The following MAF variants were observed in gnomAD, a reference collection of about 807,000 sequenced individuals.
MAF encodes the protein transcription factor Maf.
A neutral mutation model predicts 22.0 loss-of-function variants in MAF; 10 were observed. The observed-to-expected ratio is 0.45, with a 90% CI of 0.28 to 0.77. The LOEUF is 0.77. Among genes scored for constraint, MAF ranks in the 30% least tolerant of loss-of-function variants. The probability of loss-of-function intolerance (pLI) is 0.12; values close to 1 mark genes in which losing one functional copy is unlikely to be tolerated. For synonymous variants in MAF, 337 were observed against 255.8 expected, an observed-to-expected ratio of 1.32 and a Z score of -3.03; for missense variants, 544 against 548.4, an observed-to-expected ratio of 0.99 and a Z score of 0.08.
At chr16:79,320,102 G>A in the MAF span, among the ~76,000 whole-genome samples, 1 of 152,146 alleles carries the variant, frequency 6.6e-6, no homozygotes, top group Non-Finnish European at 1.5e-5. Flanking sequence ...AGGAAGGGTG[G>A]TACAAAGTGG....
chr16:79,443,616 T>C, the MAF span, among the ~76,000 whole-genome samples: 1 of 152,166 alleles, frequency 6.6e-6, no homozygotes, highest in East Asian at 1.9e-4. Flanking sequence ...TAGGAACAAA[T>C]CCTAACAAAA....
chr16:79,486,117 C>T, the MAF span, among the ~76,000 whole-genome samples: 1 of 152,184 alleles, frequency 6.6e-6, no homozygotes, highest in Non-Finnish European at 1.5e-5. Context: ...ATAACTATCG[C>T]TTCCATGCTC....
chr16:79,408,089 A>AAAAAAAC, the MAF span, among the ~76,000 whole-genome samples: 1 of 149,226 alleles, frequency 6.7e-6, no homozygotes, highest in African/African-American at 2.4e-5. Flanking sequence ...AAAAAAAAAA[A>AAAAAAAC]AAAAAAAAAA....
At chr16:79,284,900 C>A in the MAF span, among the ~76,000 whole-genome samples, 1 of 152,150 alleles carries the variant, frequency 6.6e-6, no homozygotes, top group Non-Finnish European at 1.5e-5. Flanking sequence ...AATCAGCTCT[C>A]CCCCCAGCCA....
chr16:79,272,539 G>A, the MAF span, among the ~76,000 whole-genome samples: 38 of 152,292 alleles, frequency 2.5e-4, no homozygotes, highest in East Asian at 6.4e-3. Context: ...CCATGCGGAT[G>A]CCCTAAGTAG....
chr16:79,210,524 G>T, the MAF span, among the ~76,000 whole-genome samples: 1 of 152,074 alleles, frequency 6.6e-6, no homozygotes, highest in African/African-American at 2.4e-5. Context: ...TTGTGGGGGC[G>T]AGCTTATCTT....
chr16:79,577,828 C>G, the MAF span, among the ~76,000 whole-genome samples: 1 of 152,106 alleles, frequency 6.6e-6, no homozygotes. Flanking sequence ...ATGAAATGTT[C>G]TGAATCTTGA....
the MAF span, among the ~76,000 whole-genome samples, chr16:79,394,962 A>G: frequency 6.6e-6 from 1 of 152,234 alleles, no homozygotes; most frequent in African/African-American, 2.4e-5. Flanking sequence ...GCTCTATAGC[A>G]CAGAGCATAT....
chr16:79,242,639 G>T, the MAF span, among the ~76,000 whole-genome samples: 11 of 152,076 alleles, frequency 7.2e-5, no homozygotes, highest in South Asian at 2.1e-4. Context: ...ATATGAGACA[G>T]ATCAATGAGA....
At chr16:79,297,953 G>C in the MAF span, among the ~76,000 whole-genome samples, 2 of 152,214 alleles carry the variant, frequency 1.3e-5, no homozygotes, top group Non-Finnish European at 2.9e-5. Flanking sequence ...GTTAATATTT[G>C]CAAAAACCTT....
At chr16:79,250,585 G>C in the MAF span, among the ~76,000 whole-genome samples, 2 of 152,136 alleles carry the variant, frequency 1.3e-5, no homozygotes, top group African/African-American at 4.8e-5. Context: ...GGTGCTTGGG[G>C]AAGGCTCTAC....
chr16:79,477,129 G>A, the MAF span, among the ~76,000 whole-genome samples: 1 of 152,172 alleles, frequency 6.6e-6, no homozygotes, highest in Non-Finnish European at 1.5e-5. Flanking sequence ...AGGACCCAGA[G>A]TGGGAACTGA....
chr16:79,240,829 C>A, the MAF span, among the ~76,000 whole-genome samples: 1 of 151,968 alleles, frequency 6.6e-6, no homozygotes, highest in Non-Finnish European at 1.5e-5. Flanking sequence ...CCCTCTGGTA[C>A]AAAGCTTCCA....
chr16:79,569,639 C>T, the MAF span, among the ~76,000 whole-genome samples: 1 of 152,190 alleles, frequency 6.6e-6, no homozygotes, highest in African/African-American at 2.4e-5. Flanking sequence ...GAACTCGTGC[C>T]TTAGAACAGT....
Position 79,600,117 on chromosome 16 carries a change from C to A in MAF, c.-215G>T, listed in dbSNP as rs957412930. 1.8e-5 allele frequency: 10 copies of A among 559,118 alleles called. No individual in the cohort carries two copies. The Admixed American group carries it at 2.7e-4, about 15-fold the overall frequency. The allele number at this position is 559,118 out of a possible 1,614,324, so 34.6% of individuals were successfully genotyped here. ...CCCCCCGCGCCCGCCCTCCCTCCCC[C>A]CTGCTCACGCCAATGTGCTCCCTCG... On this transcript the variant is annotated 5_prime_UTR_variant, in exon 1 of 2. Coordinates refer to ENST00000326043, the MANE Select transcript of MAF (RefSeq NM_005360.5).
At chr16:79,384,343 G>T in the MAF span, among the ~76,000 whole-genome samples, 5,052 of 151,588 alleles carry the variant, frequency 0.033, 294 homozygotes, top group African/African-American at 0.12. Flanking sequence ...TACTTGGGAG[G>T]CCAAGGCAGG....
At chr16:79,272,185 G>A in the MAF span, among the ~76,000 whole-genome samples, 1 of 152,208 alleles carries the variant, frequency 6.6e-6, no homozygotes, top group African/African-American at 2.4e-5. Flanking sequence ...TGGCGTCTCT[G>A]GTTCCTCTGA....
chr16:79,529,354 G>C, the MAF span, among the ~76,000 whole-genome samples: 2 of 152,140 alleles, frequency 1.3e-5, no homozygotes, highest in African/African-American at 2.4e-5. Flanking sequence ...CAGAGTTTCA[G>C]TACCTTGTGT....
At chr16:79,291,982 C>T in the MAF span, among the ~76,000 whole-genome samples, 3 of 151,456 alleles carry the variant, frequency 2.0e-5, no homozygotes, top group African/African-American at 7.3e-5. Flanking sequence ...CAAGTGGCAT[C>T]GTCCCTCTTT....
Sources: allele counts gnomAD v4.1 joint callset (sites outside exome capture counted in the v4.1 genomes callset), GRCh38; gene constraint gnomAD v4.1.1; transcripts MANE v1.5; gene names NCBI Gene and HGNC (gene_info 2026-07-23, HGNC 2026-07-21).